The following ACADM variants were observed in gnomAD, a reference collection of about 807,000 sequenced individuals.
The protein encoded by ACADM is acyl-CoA dehydrogenase medium chain.
Under a neutral mutation model 58.9 loss-of-function variants are expected in ACADM, and 49 were observed. The observed-to-expected ratio is 0.83, with a 90% CI of 0.66 to 1.06. The LOEUF (loss-of-function observed/expected upper bound fraction) is 1.06, where lower values mean the gene tolerates loss of function less well. Ranked by LOEUF, ACADM falls within the 50% of genes least tolerant of loss-of-function variation. The pLI is 0.00. For missense variants in ACADM, 496 were observed against 507.0 expected, an observed-to-expected ratio of 0.98 and a Z score of 0.21; for synonymous variants, 160 against 157.7, an observed-to-expected ratio of 1.01 and a Z score of -0.11.
chr1:75,724,726 G>T lies in ACADM; in HGVS notation c.-62G>T. On this transcript the variant is annotated 5_prime_UTR_variant, in exon 1 of 12. Transcript: ENST00000370841. ...GCGGGACCAGAGGAGTCCCGCGTTC[G>T]GGGAGTATGTCAAGGCCGTGACCCG... The T allele has an allele frequency of 6.5e-7, 1 of 1,536,422 alleles. No homozygotes were observed. Among genetic ancestry groups the T allele is most frequent in the African/African-American group, 1.4e-5 (1 of 70,152 alleles).
rs1320983953 is a variant in ACADM at position 75,732,749 on chromosome 1, T to C, written c.216+8T>C. On this transcript the variant is annotated splice_region_variant and intron_variant, in intron 3 of 11. Coordinates refer to ENST00000370841, the MANE Select transcript of ACADM (RefSeq NM_000016.6). Reference sequence around the variant, plus strand: ...TATGATAAAACTGGTGAAGTAGGTATATACATTTTAAAGAGGGAAAAATCT... The same window carrying C: ...TATGATAAAACTGGTGAAGTAGGTACATACATTTTAAAGAGGGAAAAATCT... 1.2e-6 allele frequency: 2 copies of C among 1,610,662 alleles called. No homozygotes were observed. The highest frequency in any genetic ancestry group is 1.7e-6 in the Non-Finnish European group (2 of 1,176,966).
chr1:75,744,807 C>T (rs1033987269), intron 7 of ACADM: 7 of 521,624 alleles, frequency 1.3e-5, no homozygotes, highest in Non-Finnish European at 2.1e-5. Context: ...TATATTATTC[C>T]TTTTCACAGG....
At chr1:75,760,544 CAAAAAAAAAAAAAAAAAA>C (rs59063908) in intron 10 of ACADM, among the ~76,000 whole-genome samples, 5,839 of 35,602 alleles carry the variant, frequency 0.16, 294 homozygotes, top group African/African-American at 0.24. Context: ...GACCCTGTCT[CAAAAAAAAAAAAAAAAAA>C]AAAAAAAAAA....
rs113053672 is a variant in ACADM at position 75,751,629 on chromosome 1, G to A, written c.945+1083G>A. Reference sequence around the variant, plus strand: ...TTCTCCTGCCTCAGCCTCCCGAGTCGCTGGGACTACAGGCACACACCACCA... The same window carrying A: ...TTCTCCTGCCTCAGCCTCCCGAGTCACTGGGACTACAGGCACACACCACCA... On this transcript the variant is annotated intron_variant, in intron 10 of 11. Transcript: ENST00000370841. Among the ~76,000 whole-genome samples the A allele has an allele frequency of 8.0e-4, 121 of 151,748 alleles. 1 individual carries two copies. Among genetic ancestry groups the A allele is most frequent in the South Asian group, 5.2e-3 (25 of 4,784 alleles).
chr1:75,733,070 T>C (rs1443696758), intron 4 of ACADM, 148 bp downstream of exon 4: 1 of 1,613,082 alleles, frequency 6.2e-7, no homozygotes, highest in African/African-American at 1.3e-5. Flanking sequence ...TTTGCCCACT[T>C]TTGGAAGCTT....
chr1:75,747,728 A>AG (rs1647976865), intron 8 of ACADM, among the ~76,000 whole-genome samples: 1 of 152,230 alleles, frequency 6.6e-6, no homozygotes, highest in Non-Finnish European at 1.5e-5. Flanking sequence ...TCAAGGCTGC[A>AG]GTGAGCCATG....
chr1:75,743,649 A>G lies in ACADM; in HGVS notation c.600-2157A>G, dbSNP rs1411886971. 2.7e-6 allele frequency: 4 copies of G among 1,501,850 alleles called. No homozygotes were observed. The Admixed American group carries it at 6.7e-5, about 25-fold the overall frequency. The allele number at this position is 1,501,850 out of a possible 1,614,324, so 93.0% of individuals were successfully genotyped here. On this transcript the variant is annotated intron_variant, in intron 7 of 11. Coordinates refer to ENST00000370841, the MANE Select transcript of ACADM (RefSeq NM_000016.6). ...ATGGGTGTTCAAAGAGTGAGCCAAAAACACCTCCATTGCTAATGGTGAAGG... is the reference window on the plus strand; with the variant it reads ...ATGGGTGTTCAAAGAGTGAGCCAAAGACACCTCCATTGCTAATGGTGAAGG...
chr1:75,747,617 C>T (rs940047697), intron 8 of ACADM, among the ~76,000 whole-genome samples: 3 of 152,046 alleles, frequency 2.0e-5, no homozygotes, highest in Non-Finnish European at 2.9e-5. Context: ...GAGACTTTAC[C>T]TCTACAAAAA....
intron 6 of ACADM, among the ~76,000 whole-genome samples, chr1:75,738,175 C>G (rs767307248): frequency 1.3e-5 from 2 of 151,710 alleles, no homozygotes; most frequent in Non-Finnish European, 2.9e-5. Flanking sequence ...CTTGGCCTCC[C>G]AATGTGCTGG....
intron 11 of ACADM, 181 bp downstream of exon 11, chr1:75,761,551 A>G (rs1276238123): frequency 2.2e-5 from 15 of 687,842 alleles, no homozygotes; most frequent in Admixed American, 1.2e-4. Flanking sequence ...GTGATTAAGT[A>G]TAAGTCTGAA....
At chr1:75,749,696 A>G in intron 9 of ACADM, 137 bp downstream of exon 9, 1 of 808,164 alleles carries the variant, frequency 1.2e-6, no homozygotes, top group Non-Finnish European at 1.9e-6. Context: ...TAGGAAAAAT[A>G]CTGTTACTTT....
intron 11 of ACADM, among the ~76,000 whole-genome samples, chr1:75,762,199 A>C (rs892192229): frequency 5.3e-5 from 8 of 152,198 alleles, no homozygotes; most frequent in Admixed American, 2.0e-4. Flanking sequence ...GAACTAACGA[A>C]TGGCTAAAGT....
At chr1:75,744,544 A>G in intron 7 of ACADM, 1 of 1,497,356 alleles carries the variant, frequency 6.7e-7, no homozygotes, top group Non-Finnish European at 9.3e-7. Context: ...AGGTTCTGCA[A>G]ACGCTGGGGT....
chr1:75,761,485 A>T, intron 11 of ACADM, 115 bp downstream of exon 11: 1 of 1,160,598 alleles, frequency 8.6e-7, no homozygotes, highest in Non-Finnish European at 1.3e-6. Flanking sequence ...AATGACTGTC[A>T]TATATGGCTG....
In ACADM at chr1:75,728,592, G is replaced by A. The variant is rs1215062214; in HGVS notation, c.118+104G>A. The stretch of plus-strand genomic sequence containing the variant: ...AATAAACTTAATAATGTCTTTCAAT[G>A]AGTAGAACCAGTCCACTGTCCACAG... On this transcript the variant is annotated intron_variant, in intron 2 of 11. Coordinates refer to ENST00000370841, the MANE Select transcript of ACADM (RefSeq NM_000016.6). 3 of 828,628 alleles carry A rather than the reference G, an allele frequency of 3.6e-6. No individual in the cohort carries two copies. The African/African-American group carries it at 5.1e-5, about 14-fold the overall frequency. 51.3% of individuals were successfully genotyped at this position (828,628 alleles called of 1,614,324 possible). A position where few individuals can be genotyped will look rare whatever the true frequency, so the allele number is the denominator to read the frequency against.
At chr1:75,744,141 G>A (rs1647747822) in intron 7 of ACADM, 2 of 1,579,078 alleles carry the variant, frequency 1.3e-6, no homozygotes, top group East Asian at 4.5e-5. Flanking sequence ...CCAGCTCCTG[G>A]CTCAGCTAGT....
intron 10 of ACADM, among the ~76,000 whole-genome samples, chr1:75,752,550 C>T (rs1648265141): frequency 6.6e-6 from 1 of 152,130 alleles, no homozygotes; most frequent in South Asian, 2.1e-4. Flanking sequence ...GATCTGCTTT[C>T]TAGTTCTCTT....
At position 75,740,019 on chromosome 1, in the gene ACADM, G is replaced by T. The variant is rs763613689; in HGVS notation, c.508G>T (p.Ala170Ser). The T allele has an allele frequency of 6.0e-5, 97 of 1,612,854 alleles. No homozygotes were observed. Among genetic ancestry groups the T allele is most frequent in the Admixed American group, 2.5e-4 (15 of 60,002 alleles). Reference protein sequence around the residue: ...VTEPGAGSDVAGIKTKAEKKG... With the variant: ...VTEPGAGSDVSGIKTKAEKKG... ...AGAACCTGGAGCAGGCTCTGATGTA[G>T]CTGGTATAAAGACCAAAGCAGAAAA... Residue 170 changes from alanine to serine, a missense_variant, in exon 7 of 12, where the codon GCT (alanine) becomes TCT (serine). Ala to Ser is a moderately conservative substitution (Grantham distance 99). Coordinates refer to ENST00000370841, the MANE Select transcript of ACADM (RefSeq NM_000016.6).
rs786204566 is a variant in ACADM, at chr1:75,732,879, C to CT, written c.244dup (p.Trp82LeufsTer23). On this transcript the variant is annotated frameshift_variant, in exon 4 of 12. Coordinates refer to ENST00000370841, the MANE Select transcript of ACADM (RefSeq NM_000016.6). LOFTEE classifies it high-confidence loss of function. ...ATCCAGTCCCCCTAATTAGAAGAGC[C>CT]TGGGAACTTGGTTTAATGAACACAC... 1.4e-5 allele frequency: 23 copies of CT among 1,613,730 alleles called. No homozygotes were observed. The highest frequency in any genetic ancestry group is 1.9e-5 in the Non-Finnish European group (22 of 1,179,836).
Sources: gnomAD v4.1 joint callset for allele counts (sites outside exome capture counted in the v4.1 genomes callset) on GRCh38, gnomAD v4.1.1 for gene constraint, MANE v1.5 for transcripts, NCBI Gene and HGNC (gene_info 2026-07-23, HGNC 2026-07-21) for gene names.